The following NFATC3 variants were observed in gnomAD, a reference collection of about 807,000 sequenced individuals.
The protein encoded by NFATC3 is nuclear factor of activated T cells 3.
A neutral mutation model predicts 98.6 loss-of-function variants in NFATC3; 46 were observed. The observed-to-expected ratio is 0.47, with a 90% CI of 0.37 to 0.60. The LOEUF (loss-of-function observed/expected upper bound fraction) is 0.60, where lower values mean the gene tolerates loss of function less well. Among genes scored for constraint, NFATC3 ranks in the 20% least tolerant of loss-of-function variants. NFATC3 has a pLI of 0.00. For missense variants in NFATC3, 1,256 were observed against 1,295.5 expected (o/e 0.97, Z 0.47); for synonymous variants, 512 against 472.2 (o/e 1.08, Z -1.09).
chr16:68,152,656 C>T (rs1009870073), intron 3 of NFATC3, among the ~76,000 whole-genome samples: 15 of 152,156 alleles, frequency 9.9e-5, no homozygotes, highest in Middle Eastern at 3.2e-3. Flanking sequence ...GCTGGGACTA[C>T]AGGTGCATGC....
intron 1 of NFATC3, among the ~76,000 whole-genome samples, chr16:68,111,769 G>T (rs2035957836): frequency 1.3e-5 from 2 of 152,130 alleles, no homozygotes; most frequent in Admixed American, 6.6e-5. Context: ...AATGGTTTTT[G>T]CTTTCCATAT....
intron 3 of NFATC3, among the ~76,000 whole-genome samples, chr16:68,128,395 TA>T (rs1266119204): frequency 1.3e-5 from 2 of 152,170 alleles, no homozygotes; most frequent in Non-Finnish European, 2.9e-5. Flanking sequence ...GTAAGAGTCA[TA>T]TTTTTTTGTT....
chr16:68,146,101 C>G (rs1263201212), intron 3 of NFATC3, among the ~76,000 whole-genome samples: 1 of 151,900 alleles, frequency 6.6e-6, no homozygotes, highest in African/African-American at 2.4e-5. Flanking sequence ...ATCCCTGATT[C>G]AAAAATTTGA....
intron 5 of NFATC3, among the ~76,000 whole-genome samples, chr16:68,174,029 C>A (rs1354942988): frequency 6.6e-6 from 1 of 152,070 alleles, no homozygotes; most frequent in Non-Finnish European, 1.5e-5. Context: ...CATCTGTAAC[C>A]CCAGCTACTT....
intron 2 of NFATC3, among the ~76,000 whole-genome samples, chr16:68,124,158 G>A (rs1003695745): frequency 3.3e-5 from 5 of 152,082 alleles, no homozygotes; most frequent in Non-Finnish European, 5.9e-5. Context: ...CTGGAGTGCA[G>A]TGGGGTAATC....
intron 7 of NFATC3, 97 bp downstream of exon 7, chr16:68,181,627 G>A (rs2039952417): frequency 1.1e-6 from 1 of 925,076 alleles, no homozygotes; most frequent in Non-Finnish European, 1.7e-6. Flanking sequence ...TTTGTATATT[G>A]ATTAATAAAA....
At chr16:68,117,553 G>C (rs1396487118) in intron 1 of NFATC3, among the ~76,000 whole-genome samples, 1 of 152,100 alleles carries the variant, frequency 6.6e-6, no homozygotes, top group African/African-American at 2.4e-5. Flanking sequence ...TGTCACCGAG[G>C]ATGGAGTGCA....
chr16:68,141,041 T>C (rs1164776756), intron 3 of NFATC3, among the ~76,000 whole-genome samples: 1 of 152,222 alleles, frequency 6.6e-6, no homozygotes, highest in Non-Finnish European at 1.5e-5. Flanking sequence ...AGTGAAAACA[T>C]ACTGACTTTC....
chr16:68,163,060 G>A (rs889653684), intron 4 of NFATC3, among the ~76,000 whole-genome samples: 1 of 152,064 alleles, frequency 6.6e-6, no homozygotes, highest in African/African-American at 2.4e-5. Context: ...GCACAGGGTT[G>A]GGGGTAAGGT....
intron 5 of NFATC3, among the ~76,000 whole-genome samples, chr16:68,171,502 C>G (rs1345454394): frequency 6.7e-6 from 1 of 149,390 alleles, no homozygotes; most frequent in Non-Finnish European, 1.5e-5. Context: ...GAGACAGAGT[C>G]TCACTCTGTT....
Position 68,221,390 on chromosome 16 carries a change from G to T in NFATC3, c.3107-4960G>T. ...CGGCTCAAGTTATTGCTAAAGGTCT[G>T]TGAAAGCACTTTGTTGCAGTTCTGA... On this transcript the variant is annotated intron_variant, in intron 9 of 9. Transcript: ENST00000346183. The T allele has an allele frequency of 3.3e-6, 5 of 1,503,824 alleles. No homozygotes were observed. The South Asian group carries it at 6.7e-5, about 20-fold the overall frequency. 93.2% of individuals were successfully genotyped at this position (1,503,824 alleles called of 1,614,324 possible). A position where few individuals can be genotyped will look rare whatever the true frequency, so the allele number is the denominator to read the frequency against.
At chr16:68,144,278 TACTA>T (rs1461008879) in intron 3 of NFATC3, among the ~76,000 whole-genome samples, 3 of 152,104 alleles carry the variant, frequency 2.0e-5, no homozygotes, top group Non-Finnish European at 2.9e-5. Flanking sequence ...AAAAATATAA[TACTA>T]ACTGTTGTCA....
chr16:68,122,343 G>C lies in NFATC3; in HGVS notation c.460G>C (p.Glu154Gln), dbSNP rs756245258. 6.2e-7 allele frequency: 1 copy of C among 1,614,064 alleles called. No individual in the cohort carries two copies. The highest frequency in any genetic ancestry group is 1.7e-5 in the Admixed American group (1 of 60,008). Reference protein sequence around the residue: ...PSRDHLYLPLEPSYRESSLSP... With the variant: ...PSRDHLYLPLQPSYRESSLSP... ...TAGAGATCATCTCTATCTTCCTCTT[G>C]AGCCATCCTACCGGGAGTCTTCTCT... is the stretch of plus-strand genomic sequence containing the variant. The change falls in exon 2 of 10, where the codon GAG (glutamate) becomes CAG (glutamine). Residue 154 changes from glutamate to glutamine, a missense_variant. Transcript: ENST00000346183.
chr16:68,159,420 T>TA (rs1555518949), intron 4 of NFATC3, among the ~76,000 whole-genome samples: 1 of 149,242 alleles, frequency 6.7e-6, no homozygotes, highest in East Asian at 2.0e-4. Flanking sequence ...TTTTTTTTTT[T>TA]ATATTTTTAT....
At chr16:68,221,196 ATTTG>A in intron 9 of NFATC3, 1 of 1,613,952 alleles carries the variant, frequency 6.2e-7, no homozygotes, top group East Asian at 2.2e-5. Flanking sequence ...TACATCATAG[ATTTG>A]TTTACCAGTA....
At chr16:68,210,785 T>C (rs1044616733) in intron 9 of NFATC3, among the ~76,000 whole-genome samples, 1 of 152,076 alleles carries the variant, frequency 6.6e-6, no homozygotes, top group Admixed American at 6.6e-5. Flanking sequence ...AGTTTTTTTG[T>C]TTTTTTGTTT....
intron 1 of NFATC3, among the ~76,000 whole-genome samples, chr16:68,092,326 G>A (rs1040472317): frequency 3.3e-5 from 5 of 151,526 alleles, no homozygotes; most frequent in East Asian, 1.9e-4. Context: ...ATGTGGTGGC[G>A]GGCGCTGTAA....
In NFATC3 at chr16:68,168,585, A is replaced by G. The variant is rs550252177; in HGVS notation, c.1774+1570A>G. 1.6e-4 allele frequency among the ~76,000 whole-genome samples: 24 copies of G among 151,748 alleles called. No homozygotes were observed. In the South Asian group the frequency reaches 4.4e-3, roughly 28 times the overall value. ...ACTGCAACCTCCACCTCCCATGTTC[A>G]AGTGATTCTCCTGCCTCAGTCTCCT... On this transcript the variant is annotated intron_variant, in intron 5 of 9. Coordinates refer to ENST00000346183, the MANE Select transcript of NFATC3 (RefSeq NM_173165.3).
At chr16:68,216,225 AT>A (rs559158548) in intron 9 of NFATC3, among the ~76,000 whole-genome samples, 41 of 152,158 alleles carry the variant, frequency 2.7e-4, no homozygotes, top group Non-Finnish European at 4.7e-4. Flanking sequence ...AATGGACAAG[AT>A]TATTCAGAGG....
Sources: gnomAD v4.1 joint callset for allele counts (sites outside exome capture counted in the v4.1 genomes callset) on GRCh38, gnomAD v4.1.1 for gene constraint, MANE v1.5 for transcripts, NCBI Gene and HGNC (gene_info 2026-07-23, HGNC 2026-07-21) for gene names.